The following P4HA1 variants were observed in gnomAD, a reference collection of about 807,000 sequenced individuals.
P4HA1 encodes prolyl 4-hydroxylase subunit alpha 1, also known as prolyl 4-hydroxylase subunit alpha-1.
P4HA1 carries 24 observed loss-of-function variants against 72.8 expected under a neutral mutation model. That is an observed-to-expected ratio of 0.33 (90% CI 0.24 to 0.46). The LOEUF is 0.46. Among genes scored for constraint, P4HA1 ranks in the 20% least tolerant of loss-of-function variants. The pLI is 1.00. For missense variants in P4HA1, 446 were observed against 640.6 expected (o/e 0.70, Z 3.28); for synonymous variants, 201 against 218.8 (o/e 0.92, Z 0.72).
Position 73,029,182 on chromosome 10 carries a change from C to T in P4HA1, c.1248+1089G>A, listed in dbSNP as rs536283096. Among the ~76,000 whole-genome samples the T allele has an allele frequency of 9.2e-5, 14 of 152,104 alleles. No homozygotes were observed. The South Asian group carries it at 2.5e-3, about 27-fold the overall frequency. ...ATCCCAGCACTTTGGGAGGCCAAGGCAGGTGGATCACTTGAGGTCAGGAGT... is the reference window on the plus strand; with the variant it reads ...ATCCCAGCACTTTGGGAGGCCAAGGTAGGTGGATCACTTGAGGTCAGGAGT... On this transcript the variant is annotated intron_variant, in intron 10 of 14. Transcript: ENST00000394890.
intron 5 of P4HA1, among the ~76,000 whole-genome samples, chr10:73,063,799 C>T (rs1029486065): frequency 1.3e-5 from 2 of 152,150 alleles, no homozygotes; most frequent in Non-Finnish European, 2.9e-5. Flanking sequence ...AGTATTTCTG[C>T]TTGTCTTACT....
In P4HA1 at chr10:73,008,184, A is replaced by C; in HGVS notation, c.*38T>G. Reference sequence around the variant, plus strand: ...TAGGAAATGTGTATATCAGACACATAAGAGTACAACAATAGGAGAAAAAGG... The same window carrying C: ...TAGGAAATGTGTATATCAGACACATCAGAGTACAACAATAGGAGAAAAAGG... On this transcript the variant is annotated 3_prime_UTR_variant, in exon 15 of 15. Transcript: ENST00000394890. 7.9e-7 allele frequency: 1 copy of C among 1,269,532 alleles called. No individual in the cohort carries two copies. Among genetic ancestry groups the C allele is most frequent in the Non-Finnish European group, 1.2e-6 (1 of 868,476 alleles). 78.6% of individuals were successfully genotyped at this position (1,269,532 alleles called of 1,614,324 possible). A position where few individuals can be genotyped will look rare whatever the true frequency, so the allele number is the denominator to read the frequency against.
Position 73,046,900 on chromosome 10 carries a change from GAGAA to G in P4HA1, c.1077+21_1077+24del, listed in dbSNP as rs750289972. 18 of 1,513,120 alleles carry G rather than the reference GAGAA, an allele frequency of 1.2e-5. No individual in the cohort carries two copies. In the Admixed American group the frequency reaches 2.3e-4, roughly 19 times the overall value. 93.7% of individuals were successfully genotyped at this position (1,513,120 alleles called of 1,614,324 possible). On this transcript the variant is annotated intron_variant, in intron 8 of 14. Coordinates refer to ENST00000394890, the MANE Select transcript of P4HA1 (RefSeq NM_001017962.3). ...TGATACAAAGGTACAGTAAATTGAG[GAGAA>G]AGAAAGAAAACATTATTTACCCTTG...
intron 11 of P4HA1, among the ~76,000 whole-genome samples, chr10:73,016,316 T>C (rs1840006661): frequency 6.6e-6 from 1 of 152,188 alleles, no homozygotes; most frequent in African/African-American, 2.4e-5. Context: ...TCATTGGCTA[T>C]AAATTCCCAC....
chr10:73,036,267 AT>A (rs113414828), intron 9 of P4HA1, among the ~76,000 whole-genome samples: 7,580 of 151,696 alleles, frequency 0.05, 588 homozygotes, highest in African/African-American at 0.17. Context: ...TAAAAAAAAA[AT>A]AACTGTCAAA....
At chr10:73,034,585 G>GGT (rs1356508778) in intron 9 of P4HA1, among the ~76,000 whole-genome samples, 12 of 135,006 alleles carry the variant, frequency 8.9e-5, no homozygotes, top group East Asian at 4.2e-4. Context: ...TGTGTGTGTG[G>GGT]TTTTTTTTTT....
At chr10:73,045,997 G>A (rs1051773340) in intron 8 of P4HA1, among the ~76,000 whole-genome samples, 2 of 151,872 alleles carry the variant, frequency 1.3e-5, no homozygotes, top group African/African-American at 4.8e-5. Context: ...AACAAACTAT[G>A]GCCACAGACC....
In P4HA1 at chr10:73,088,173, G is replaced by A. The variant is rs112452242; in HGVS notation, c.-33+8593C>T. Among the ~76,000 whole-genome samples the A allele has an allele frequency of 9.7e-3, 1,472 of 152,186 alleles. 25 individuals are homozygous for A. Among genetic ancestry groups the A allele is most frequent in the African/African-American group, 0.033 (1,361 of 41,508 alleles). ...CTCCCAAAATGCTGGGATTACAAAC[G>A]TGTGCGACCAGACCCGGCCTACGAA... On this transcript the variant is annotated intron_variant, in intron 1 of 14. Coordinates refer to ENST00000394890, the MANE Select transcript of P4HA1 (RefSeq NM_001017962.3).
chr10:73,050,652 A>T (rs1840996879), intron 7 of P4HA1, among the ~76,000 whole-genome samples: 1 of 151,574 alleles, frequency 6.6e-6, no homozygotes, highest in Non-Finnish European at 1.5e-5. Flanking sequence ...GTGAGCCGAG[A>T]TCATGCCACT....
chr10:73,045,115 C>T lies in P4HA1; in HGVS notation c.1078-64G>A, dbSNP rs1840823770. On this transcript the variant is annotated intron_variant, in intron 8 of 14. Coordinates refer to ENST00000394890, the MANE Select transcript of P4HA1 (RefSeq NM_001017962.3). ...AAAAAACTGAATCACATTTACCCAA[C>T]CAGTCAGAATTCCAGGGTTTTTACA... The T allele has an allele frequency of 3.7e-6, 5 of 1,337,260 alleles. No individual in the cohort carries two copies. In the Admixed American group the frequency reaches 8.9e-5, roughly 24 times the overall value. 82.8% of individuals were successfully genotyped at this position (1,337,260 alleles called of 1,614,324 possible). A position where few individuals can be genotyped will look rare whatever the true frequency, so the allele number is the denominator to read the frequency against.
Position 73,070,142 on chromosome 10 carries a change from CTTTTTTTTTT to C in P4HA1, c.326-1169_326-1160del, listed in dbSNP as rs71021546. Among the ~76,000 whole-genome samples the C allele has an allele frequency of 2.3e-4, 15 of 64,502 alleles. No individual in the cohort carries two copies. In the South Asian group the frequency reaches 2.9e-3, roughly 12 times the overall value. The allele number at this position is 64,502 out of a possible 152,430, so 42.3% of individuals were successfully genotyped here. On this transcript the variant is annotated intron_variant, in intron 4 of 14. Transcript: ENST00000394890. ...TATTTTGAACAGCAAGAGACCAGGCCTTTTTTTTTTTTTTTTTTTTTTTTTTTTTTTTTGA... is the reference window on the plus strand; with the variant it reads ...TATTTTGAACAGCAAGAGACCAGGCCTTTTTTTTTTTTTTTTTTTTTTTGA...
chr10:73,045,158 A>G (rs1283366678), intron 8 of P4HA1, 107 bp from the exon 9 acceptor site: 7 of 833,976 alleles, frequency 8.4e-6, no homozygotes, highest in African/African-American at 3.4e-5. Flanking sequence ...CTAAAAAGAG[A>G]AAATAACTCC....
Position 73,030,251 on chromosome 10 carries a change from A to G in P4HA1, c.1248+20T>C, listed in dbSNP as rs371108206. The G allele has an allele frequency of 2.1e-5, 27 of 1,287,854 alleles. No individual in the cohort carries two copies. Among genetic ancestry groups the G allele is most frequent in the Non-Finnish European group, 2.8e-5 (26 of 917,776 alleles). The allele number at this position is 1,287,854 out of a possible 1,614,324, so 79.8% of individuals were successfully genotyped here. Reference sequence around the variant, plus strand: ...TCTCCTGAAGTGTAAAAATGACTTAAGGATAATGTGATTACCTACCTGTAA... The same window carrying G: ...TCTCCTGAAGTGTAAAAATGACTTAGGGATAATGTGATTACCTACCTGTAA... On this transcript the variant is annotated intron_variant, in intron 10 of 14. Transcript: ENST00000394890.
chr10:73,019,789 C>T (rs1308849002), intron 10 of P4HA1, among the ~76,000 whole-genome samples: 1 of 128,750 alleles, frequency 7.8e-6, no homozygotes, highest in East Asian at 2.3e-4. Context: ...CAAAGCTGCA[C>T]CAGCACACTT....
Position 73,090,040 on chromosome 10 carries a change from C to T in P4HA1, c.-33+6726G>A, listed in dbSNP as rs1178539749. Reference sequence around the variant, plus strand: ...GTAGAGACAGGGTTTTACCATGTTGCGCAGGCTGGTCTTGAACTTCTGGGC... The same window carrying T: ...GTAGAGACAGGGTTTTACCATGTTGTGCAGGCTGGTCTTGAACTTCTGGGC... On this transcript the variant is annotated intron_variant, in intron 1 of 14. Transcript: ENST00000394890. Among the ~76,000 whole-genome samples the T allele has an allele frequency of 3.9e-5, 6 of 152,152 alleles. No homozygotes were observed. In the South Asian group the frequency reaches 8.3e-4, roughly 21 times the overall value.
intron 5 of P4HA1, among the ~76,000 whole-genome samples, chr10:73,055,647 G>A (rs897322461): frequency 2.6e-5 from 4 of 152,104 alleles, no homozygotes; most frequent in Non-Finnish European, 5.9e-5. Context: ...ATGTCAACTC[G>A]CTTCTGCAGT....
intron 3 of P4HA1, among the ~76,000 whole-genome samples, chr10:73,072,563 A>G (rs1013978118): frequency 6.6e-6 from 1 of 152,220 alleles, no homozygotes; most frequent in South Asian, 2.1e-4. Flanking sequence ...TGTTCATTTA[A>G]ATCAACTTAT....
chr10:73,060,520 C>A (rs1045173252), intron 5 of P4HA1, among the ~76,000 whole-genome samples: 3 of 152,104 alleles, frequency 2.0e-5, no homozygotes, highest in African/African-American at 7.2e-5. Context: ...CTGTAGTGCA[C>A]CATGATCGCA....
intron 1 of P4HA1, among the ~76,000 whole-genome samples, chr10:73,088,402 C>G (rs1402362374): frequency 6.6e-6 from 1 of 152,190 alleles, no homozygotes; most frequent in Non-Finnish European, 1.5e-5. Context: ...AAATACCACA[C>G]TTGGGGACCA....
Sources: allele counts gnomAD v4.1 joint callset (sites outside exome capture counted in the v4.1 genomes callset), GRCh38; gene constraint gnomAD v4.1.1; transcripts MANE v1.5; gene names NCBI Gene and HGNC (gene_info 2026-07-23, HGNC 2026-07-21).